The following PREP variants were observed in gnomAD, a reference collection of about 807,000 sequenced individuals.
PREP encodes the protein dJ355L5.1 (prolyl endopeptidase).
A neutral mutation model predicts 87.6 loss-of-function variants in PREP; 29 were observed. The ratio of observed to expected loss-of-function variants is 0.33; its 90% confidence interval spans 0.25 to 0.45. PREP has a LOEUF of 0.45. Among genes scored for constraint, PREP ranks in the 20% least tolerant of loss-of-function variants. PREP has a pLI of 1.00. For synonymous variants in PREP, 337 were observed against 328.6 expected, an observed-to-expected ratio of 1.03 and a Z score of -0.28; for missense variants, 695 against 886.5, an observed-to-expected ratio of 0.78 and a Z score of 2.74.
Position 105,368,908 on chromosome 6 carries a change from C to T in PREP, c.712G>A (p.Ala238Thr). The change falls in exon 6 of 15, where the codon GCT (alanine) becomes ACT (threonine). Residue 238 changes from alanine to threonine, a missense_variant. By Grantham distance (58) the Ala-to-Thr change is moderately conservative. Around this residue, in one of 5 missense-constraint regions of PREP, gnomAD observed 517 missense variants for 620.3 expected, o/e 0.83. Transcript: ENST00000652536. ...FPDEPKWMGG[A>T]ELSDDGRYVL... is the part of the protein sequence containing the mutation. ...ATTTCACAGCTGTACAATACCTCAG[C>T]TCCACCCATCCATTTAGGTTCATCA... 2.5e-6 allele frequency: 4 copies of T among 1,613,960 alleles called. No homozygotes were observed. Among genetic ancestry groups the T allele is most frequent in the Non-Finnish European group, 2.5e-6 (3 of 1,179,918 alleles).
intron 10 of PREP, among the ~76,000 whole-genome samples, chr6:105,316,292 C>T (rs375838012): frequency 2.8e-4 from 43 of 152,218 alleles, no homozygotes; most frequent in African/African-American, 9.2e-4. Flanking sequence ...GGGAATAGGG[C>T]GGTCTGACGA....
chr6:105,370,621 C>T (rs1772511941), intron 5 of PREP, among the ~76,000 whole-genome samples: 1 of 152,162 alleles, frequency 6.6e-6, no homozygotes, highest in Non-Finnish European at 1.5e-5. Flanking sequence ...TTGGAAGCAA[C>T]TGAGCATTCT....
rs1202871623 is a variant in PREP, at chr6:105,277,997, T to C, written c.*147A>G. The C allele has an allele frequency of 2.7e-6, 3 of 1,130,388 alleles. No homozygotes were observed. Among genetic ancestry groups the C allele is most frequent in the Non-Finnish European group, 3.8e-6 (3 of 796,302 alleles). 70.0% of individuals were successfully genotyped at this position (1,130,388 alleles called of 1,614,324 possible). On this transcript the variant is annotated 3_prime_UTR_variant, in exon 15 of 15. Coordinates refer to ENST00000652536, the MANE Select transcript of PREP (RefSeq NM_002726.5). ...AAGGAGAAGCCTAAAAAAGATAAAA[T>C]TCCCACGGCAGTTCTGTTCAACTGT...
intron 11 of PREP, among the ~76,000 whole-genome samples, chr6:105,288,445 G>T (rs559320092): frequency 6.6e-6 from 1 of 152,210 alleles, no homozygotes; most frequent in African/African-American, 2.4e-5. Context: ...CTGCCTCCTG[G>T]GTTCAAGTGA....
intron 4 of PREP, 41 bp downstream of exon 4, chr6:105,376,084 G>A: frequency 1.9e-6 from 3 of 1,583,984 alleles, no homozygotes; most frequent in Non-Finnish European, 2.6e-6. Context: ...CTCCAAGTGA[G>A]GGTCTTAGGA....
At position 105,300,585 on chromosome 6, in the gene PREP, A is replaced by G. The variant is rs550090636; in HGVS notation, c.1318-11691T>C. On this transcript the variant is annotated intron_variant, in intron 10 of 14. Coordinates refer to ENST00000652536, the MANE Select transcript of PREP (RefSeq NM_002726.5). ...TATTCTAAGAATAATTGTTTAACAGATAAGAACTCACAGATCCTTGAGCTG... is the reference window on the plus strand; with the variant it reads ...TATTCTAAGAATAATTGTTTAACAGGTAAGAACTCACAGATCCTTGAGCTG... Among the ~76,000 whole-genome samples the G allele has an allele frequency of 7.9e-5, 12 of 152,270 alleles. No homozygotes were observed. The East Asian group carries it at 2.3e-3, about 29-fold the overall frequency.
chr6:105,291,053 G>T lies in PREP; in HGVS notation c.1318-2159C>A, dbSNP rs529671486. Among the ~76,000 whole-genome samples, 4 of 152,260 alleles carry T rather than the reference G, an allele frequency of 2.6e-5. 1 individual carries two copies. In the South Asian group the frequency reaches 6.2e-4, roughly 24 times the overall value. ...ATAAAAGTTATGATTACACTAGACT[G>T]TAGTCTATTAAGTATGCAATAGCAT... On this transcript the variant is annotated intron_variant, in intron 10 of 14. Coordinates refer to ENST00000652536, the MANE Select transcript of PREP (RefSeq NM_002726.5).
At chr6:105,381,693 C>T (rs544922037) in intron 2 of PREP, among the ~76,000 whole-genome samples, 2 of 152,174 alleles carry the variant, frequency 1.3e-5, no homozygotes, top group East Asian at 3.9e-4. Flanking sequence ...AGAGTAGCTG[C>T]TCAAAACTAA....
chr6:105,346,981 T>G lies in PREP; in HGVS notation c.823+5991A>C, dbSNP rs139449720. Among the ~76,000 whole-genome samples the G allele has an allele frequency of 9.8e-3, 1,481 of 151,862 alleles. 23 individuals are homozygous for G. The highest frequency in any genetic ancestry group is 0.034 in the African/African-American group (1,407 of 41,376). On this transcript the variant is annotated intron_variant, in intron 7 of 14. Coordinates refer to ENST00000652536, the MANE Select transcript of PREP (RefSeq NM_002726.5). Reference sequence around the variant, plus strand: ...TGGGTGTGGTGGCAGGCACCTATAATCCTAGCTACTTGAGAGGCTGAGGCA... The same window carrying G: ...TGGGTGTGGTGGCAGGCACCTATAAGCCTAGCTACTTGAGAGGCTGAGGCA...
intron 9 of PREP, among the ~76,000 whole-genome samples, chr6:105,325,257 T>C (rs144715034): frequency 1.3e-5 from 2 of 152,248 alleles, no homozygotes; most frequent in South Asian, 2.1e-4. Flanking sequence ...AGACCAAGCA[T>C]GCACCATTTG....
Position 105,402,956 on chromosome 6 carries a change from G to A in PREP, c.-65C>T. 3 of 980,874 alleles carry A rather than the reference G, an allele frequency of 3.1e-6. No individual in the cohort carries two copies. Among genetic ancestry groups the A allele is most frequent in the East Asian group, 3.4e-5 (1 of 29,398 alleles). The allele number at this position is 980,874 out of a possible 1,614,324, so 60.8% of individuals were successfully genotyped here. On this transcript the variant is annotated 5_prime_UTR_variant, in exon 1 of 15. Transcript: ENST00000652536. ...CTCCGGGAGCGGACCTGAGCTAGCC[G>A]GGCTGGCCGCGAGGCGCGGCTGGGG...
chr6:105,336,992 CT>C (rs1771500163), intron 7 of PREP, among the ~76,000 whole-genome samples: 1 of 151,610 alleles, frequency 6.6e-6, no homozygotes, highest in South Asian at 2.1e-4. Flanking sequence ...TCCAGAAGTT[CT>C]ACTTAGTCAT....
intron 10 of PREP, among the ~76,000 whole-genome samples, chr6:105,304,434 A>G (rs1389359064): frequency 2.0e-5 from 3 of 152,224 alleles, no homozygotes; most frequent in African/African-American, 7.2e-5. Flanking sequence ...CAAGTCATAC[A>G]TCTCGTAAAC....
chr6:105,280,152 C>T (rs1445030869), intron 14 of PREP, among the ~76,000 whole-genome samples: 1 of 152,138 alleles, frequency 6.6e-6, no homozygotes, highest in Non-Finnish European at 1.5e-5. Context: ...GAAACTTGGC[C>T]GTGTGCGGTG....
Position 105,275,040 on chromosome 6 carries a change from T to A in PREP, c.*3104A>T, listed in dbSNP as rs1769906948. On this transcript the variant is annotated 3_prime_UTR_variant, in exon 15 of 15. Transcript: ENST00000652536. Reference sequence around the variant, plus strand: ...CTCTCTGCACCTTCAGCCCCTGAGATATGGAGGATGAGAATGGCTCAATGT... The same window carrying A: ...CTCTCTGCACCTTCAGCCCCTGAGAAATGGAGGATGAGAATGGCTCAATGT... 1.3e-5 allele frequency among the ~76,000 whole-genome samples: 2 copies of A among 152,182 alleles called. No individual in the cohort carries two copies. Among genetic ancestry groups the A allele is most frequent in the Non-Finnish European group, 2.9e-5 (2 of 68,038 alleles).
intron 10 of PREP, among the ~76,000 whole-genome samples, chr6:105,290,881 T>C (rs996667008): frequency 5.3e-5 from 8 of 152,334 alleles, no homozygotes; most frequent in African/African-American, 1.9e-4. Flanking sequence ...GATGACTTAA[T>C]TGTGGGCAAG....
At chr6:105,400,524 C>A (rs1425866217) in intron 1 of PREP, among the ~76,000 whole-genome samples, 2 of 152,168 alleles carry the variant, frequency 1.3e-5, no homozygotes, top group Non-Finnish European at 2.9e-5. Flanking sequence ...TCAGGAATGT[C>A]CTTTGTCCCT....
In PREP at chr6:105,397,946, G is replaced by C. The variant is rs763472546; in HGVS notation, c.46-19C>G. 1 of 1,551,934 alleles carries C rather than the reference G, an allele frequency of 6.4e-7. No individual in the cohort carries two copies. Among genetic ancestry groups the C allele is most frequent in the Non-Finnish European group, 8.9e-7 (1 of 1,123,876 alleles). Reference sequence around the variant, plus strand: ...CCTGTACCTGTAAAAAACAAAATGAGGTATTAGATAATTACTCTCTAACCC... The same window carrying C: ...CCTGTACCTGTAAAAAACAAAATGACGTATTAGATAATTACTCTCTAACCC... On this transcript the variant is annotated intron_variant, in intron 1 of 14. Coordinates refer to ENST00000652536, the MANE Select transcript of PREP (RefSeq NM_002726.5).
At chr6:105,302,412 T>C (rs1239980242) in intron 10 of PREP, 2 of 227,112 alleles carry the variant, frequency 8.8e-6, no homozygotes, top group African/African-American at 2.3e-5. Context: ...ACTTTTCTTT[T>C]GTTCTCTTCG....
Sources: gnomAD v4.1 joint callset for allele counts (sites outside exome capture counted in the v4.1 genomes callset) on GRCh38, gnomAD v4.1.1 for gene constraint, gnomAD v4.1.1 regional missense constraint, MANE v1.5 for transcripts, NCBI Gene and HGNC (gene_info 2026-07-23, HGNC 2026-07-21) for gene names.